NRG1: variants seen among roughly 807,000 people sequenced by gnomAD.
The protein encoded by NRG1 is pro-neuregulin-1, membrane-bound isoform.
A neutral mutation model predicts 63.8 loss-of-function variants in NRG1; 18 were observed. The observed-to-expected ratio is 0.28, with a 90% CI of 0.19 to 0.42. The LOEUF (loss-of-function observed/expected upper bound fraction) is 0.42, where lower values mean the gene tolerates loss of function less well. Ranked by LOEUF, NRG1 falls within the 10% of genes least tolerant of loss-of-function variation. NRG1 has a pLI of 1.00. For missense variants in NRG1, 762 were observed against 814.7 expected (o/e 0.94, Z 0.79); for synonymous variants, 302 against 301.3 (o/e 1.00, Z -0.02).
exon 1 of NRG1, chr8:31,639,257 C>A: frequency 9.3e-7 from 1 of 1,073,690 alleles, no homozygotes; most frequent in Non-Finnish European, 1.4e-6. Flanking sequence ...TAAGCCTCCG[C>A]AGCCCACTCG....
intron 6 of NRG1, among the ~76,000 whole-genome samples, chr8:32,736,239 TAAC>T: frequency 6.6e-6 from 1 of 152,186 alleles, no homozygotes. Context: ...TAAAGGTAGA[TAAC>T]AGAATGAGGT....
chr8:32,309,290 C>T (rs60028158), intron 1 of NRG1, among the ~76,000 whole-genome samples: 1 of 152,104 alleles, frequency 6.6e-6, no homozygotes, highest in South Asian at 2.1e-4. Flanking sequence ...AACAAAGTAA[C>T]GCTTATGTGC....
At chr8:31,652,949 TCTCTTCTCTCCTCTCCTCTC>T (rs1563257831) in intron 1 of NRG1, among the ~76,000 whole-genome samples, 1 of 34,750 alleles carries the variant, frequency 2.9e-5, no homozygotes, top group Non-Finnish European at 5.7e-5. Flanking sequence ...CCTTCCTTCC[TCTCTTCTCTCCTCTCCTCTC>T]CTCTCCTCTC....
chr8:32,366,677 G>GTATATATATATATATATATGTATATA (rs1808079819), intron 1 of NRG1, among the ~76,000 whole-genome samples: 2 of 87,522 alleles, frequency 2.3e-5, no homozygotes. Flanking sequence ...GTGTGTGTGT[G>GTATATATATATATATATATGTATATA]TATATATATA....
At chr8:32,330,081 A>AAAAAAAAAAG (rs1563322139) in intron 1 of NRG1, among the ~76,000 whole-genome samples, 1 of 125,038 alleles carries the variant, frequency 8.0e-6, no homozygotes, top group African/African-American at 3.1e-5. Context: ...AAAAAAAAAA[A>AAAAAAAAAAG]GTGTGTAGGG....
At chr8:32,746,951 C>T (rs568051168) in intron 7 of NRG1, among the ~76,000 whole-genome samples, 4 of 146,198 alleles carry the variant, frequency 2.7e-5, no homozygotes, top group African/African-American at 1.0e-4. Context: ...TGCTCTGGGT[C>T]TAGTATGACT....
intron 3 of NRG1, among the ~76,000 whole-genome samples, chr8:32,609,759 C>G (rs1005014506): frequency 6.7e-6 from 1 of 150,354 alleles, no homozygotes; most frequent in Non-Finnish European, 1.5e-5. Flanking sequence ...AAGCAATTCT[C>G]CTCCTGGATT....
chr8:31,782,025 CT>C (rs1455913353), intron 1 of NRG1, among the ~76,000 whole-genome samples: 1 of 152,004 alleles, frequency 6.6e-6, no homozygotes, highest in Non-Finnish European at 1.5e-5. Flanking sequence ...AATTGAAAGG[CT>C]TTTTCACTGC....
intron 1 of NRG1, among the ~76,000 whole-genome samples, chr8:32,166,783 G>A: frequency 6.6e-6 from 1 of 152,174 alleles, no homozygotes; most frequent in East Asian, 1.9e-4. Context: ...GTCTGTATCT[G>A]TAGGTAATGG....
intron 1 of NRG1, among the ~76,000 whole-genome samples, chr8:32,409,467 C>T (rs1445195949): frequency 1.3e-5 from 2 of 152,178 alleles, no homozygotes; most frequent in East Asian, 3.9e-4. Context: ...AAAGTTAACA[C>T]TCAACATACA....
chr8:32,255,828 G>A (rs1460938657), intron 1 of NRG1, among the ~76,000 whole-genome samples: 6 of 152,106 alleles, frequency 3.9e-5, no homozygotes, highest in Non-Finnish European at 8.8e-5. Context: ...CATTCTCCCC[G>A]TGACTTTCAG....
At chr8:31,682,614 T>G (rs1808453336) in intron 1 of NRG1, among the ~76,000 whole-genome samples, 1 of 152,066 alleles carries the variant, frequency 6.6e-6, no homozygotes, top group Non-Finnish European at 1.5e-5. Flanking sequence ...TCTCCAACTT[T>G]CCGTGTGCCT....
chr8:32,269,473 C>A (rs1851326099), intron 1 of NRG1, among the ~76,000 whole-genome samples: 1 of 152,096 alleles, frequency 6.6e-6, no homozygotes, highest in African/African-American at 2.4e-5. Context: ...AGAGGTGAAG[C>A]TTTGATCTGC....
intron 1 of NRG1, among the ~76,000 whole-genome samples, chr8:32,263,585 A>G (rs1209780795): frequency 2.6e-5 from 4 of 152,176 alleles, no homozygotes; most frequent in Non-Finnish European, 4.4e-5. Context: ...TTAAACGACT[A>G]ACTATCAAAG....
At chr8:32,401,525 C>A (rs1813200218) in intron 1 of NRG1, among the ~76,000 whole-genome samples, 1 of 151,970 alleles carries the variant, frequency 6.6e-6, no homozygotes, top group African/African-American at 2.4e-5. Context: ...GCTTTGCATT[C>A]TATAGTCATT....
At chr8:32,522,525 G>C (rs760903668) in intron 1 of NRG1, among the ~76,000 whole-genome samples, 3 of 152,022 alleles carry the variant, frequency 2.0e-5, no homozygotes, top group Admixed American at 6.6e-5. Flanking sequence ...GGATAACCAC[G>C]TATCCTAGTT....
intron 5 of NRG1, among the ~76,000 whole-genome samples, chr8:32,716,105 C>T (rs1326395694): frequency 1.3e-5 from 2 of 152,196 alleles, no homozygotes; most frequent in Admixed American, 1.3e-4. Flanking sequence ...GTAGCTCCTG[C>T]ATATGTCTCT....
chr8:31,843,230 G>T (rs1215440695), intron 1 of NRG1, among the ~76,000 whole-genome samples: 2 of 152,166 alleles, frequency 1.3e-5, no homozygotes, highest in African/African-American at 4.8e-5. Flanking sequence ...AGCAACAGAA[G>T]TAGCAGTTTT....
At chr8:32,570,266 A>G (rs890544171) in intron 1 of NRG1, among the ~76,000 whole-genome samples, 1 of 152,016 alleles carries the variant, frequency 6.6e-6, no homozygotes, top group African/African-American at 2.4e-5. Flanking sequence ...TTTCTTTTTT[A>G]AAAACCTTTT....
Sources: gnomAD v4.1 joint callset for allele counts (sites outside exome capture counted in the v4.1 genomes callset) on GRCh38, gnomAD v4.1.1 for gene constraint, MANE v1.5 for transcripts, NCBI Gene and HGNC (gene_info 2026-07-23, HGNC 2026-07-21) for gene names.